Variants in ST3GAL1 observed in about 807,000 individuals in gnomAD.
ST3GAL1 encodes the protein CMP-N-acetylneuraminate-beta-galactosamide-alpha-2,3-sialyltransferase 1.
A neutral mutation model predicts 34.1 loss-of-function variants in ST3GAL1; 16 were observed. That is an observed-to-expected ratio of 0.47 (90% CI 0.32 to 0.71). The LOEUF is 0.71. ST3GAL1 is among the 30% of genes least tolerant of loss of function. ST3GAL1 has a pLI of 0.04. For synonymous variants in ST3GAL1, 191 were observed against 184.7 expected, an observed-to-expected ratio of 1.03 and a Z score of -0.28; for missense variants, 353 against 447.4, an observed-to-expected ratio of 0.79 and a Z score of 1.90.
In ST3GAL1 at chr8:133,464,813, C is replaced by T; in HGVS notation, c.648G>A (p.Trp216Ter). Residue 216 changes from tryptophan (W) to a stop codon, truncating the protein, a stop_gained, in exon 7 of 10, where the codon TGG becomes TGA. Coordinates refer to ENST00000522652, the MANE Select transcript of ST3GAL1 (RefSeq NM_173344.3). LOFTEE classifies it high-confidence loss of function. The stretch of plus-strand genomic sequence containing the variant: ...TGCCCGTGGTGATGGCGCTCACCAC[C>T]CACTCCAAGTCGATGGTCTTGAAGG... The part of the protein sequence containing the change: ...LVPFKTIDLE[W>*]VVSAITTGTI... 6.2e-7 allele frequency: 1 copy of T among 1,613,742 alleles called. No individual in the cohort carries two copies. Among genetic ancestry groups the T allele is most frequent in the Non-Finnish European group, 8.5e-7 (1 of 1,179,784 alleles).
intron 3 of ST3GAL1, among the ~76,000 whole-genome samples, chr8:133,490,450 T>A (rs574471006): frequency 6.6e-6 from 1 of 152,182 alleles, no homozygotes; most frequent in Non-Finnish European, 1.5e-5. Flanking sequence ...CACGCATAAA[T>A]CTGCTCAGGA....
intron 2 of ST3GAL1, among the ~76,000 whole-genome samples, chr8:133,521,869 A>G (rs1232978206): frequency 6.6e-6 from 1 of 152,258 alleles, no homozygotes; most frequent in East Asian, 1.9e-4. Context: ...GAAAGAAAAC[A>G]GTATGAACTA....
intron 2 of ST3GAL1, among the ~76,000 whole-genome samples, chr8:133,543,798 ATC>A (rs1368064099): frequency 6.6e-6 from 1 of 151,894 alleles, no homozygotes; most frequent in Non-Finnish European, 1.5e-5. Flanking sequence ...TGTTAACATC[ATC>A]ATCATCATCA....
intron 2 of ST3GAL1, chr8:133,516,203 C>T (rs555216340): frequency 6.6e-6 from 1 of 152,132 alleles, no homozygotes; most frequent in Non-Finnish European, 1.5e-5. Flanking sequence ...CCCTGCTATG[C>T]CTAGAAGGTA....
chr8:133,535,058 G>A lies in ST3GAL1; in HGVS notation c.-429+10716C>T, dbSNP rs116327779. ...GGGCTGACGAGGGAGAAGCCCTGCA[G>A]CTGAGGATGGAGTGGAAAGCGGGAG... On this transcript the variant is annotated intron_variant, in intron 2 of 9. Transcript: ENST00000522652. 5.9e-3 allele frequency among the ~76,000 whole-genome samples: 896 copies of A among 152,372 alleles called. 16 individuals are homozygous for A. Among genetic ancestry groups the A allele is most frequent in the African/African-American group, 0.02 (837 of 41,590 alleles).
chr8:133,469,774 G>A lies in ST3GAL1; in HGVS notation c.307-3684C>T, dbSNP rs1231965581. Reference sequence around the variant, plus strand: ...AGCCCCAGCACTGCAGAGACAGGTGGGAAGGAGGGACGGCAGAAATGACCT... The same window carrying A: ...AGCCCCAGCACTGCAGAGACAGGTGAGAAGGAGGGACGGCAGAAATGACCT... On this transcript the variant is annotated intron_variant, in intron 5 of 9. Coordinates refer to ENST00000522652, the MANE Select transcript of ST3GAL1 (RefSeq NM_173344.3). This position sits in a 1 kb window ranked among gnomAD's most constrained non-coding sequence, Gnocchi z 4.3. Among the ~76,000 whole-genome samples the A allele has an allele frequency of 6.6e-6, 1 of 152,214 alleles. No homozygotes were observed. The highest frequency in any genetic ancestry group is 2.4e-5 in the African/African-American group (1 of 41,446).
At chr8:133,496,650 T>C (rs900656936) in intron 3 of ST3GAL1, among the ~76,000 whole-genome samples, 3 of 152,164 alleles carry the variant, frequency 2.0e-5, no homozygotes, top group African/African-American at 7.2e-5. Flanking sequence ...CCACAGCACC[T>C]GAGGAGACAC....
intron 1 of ST3GAL1, among the ~76,000 whole-genome samples, chr8:133,565,179 G>GTGTT (rs1554621415): frequency 6.6e-6 from 1 of 151,848 alleles, no homozygotes; most frequent in East Asian, 1.9e-4. Context: ...GTGTGTGTGT[G>GTGTT]TGTGTGTGTG....
intron 3 of ST3GAL1, among the ~76,000 whole-genome samples, chr8:133,494,264 A>G (rs561878581): frequency 1.1e-4 from 17 of 152,250 alleles, no homozygotes; most frequent in South Asian, 6.2e-4. Context: ...CTTCTGATAC[A>G]CTGTGCCCTG....
chr8:133,474,330 T>G (rs924269613), intron 5 of ST3GAL1, among the ~76,000 whole-genome samples: 22 of 152,170 alleles, frequency 1.4e-4, no homozygotes, highest in African/African-American at 4.8e-4. Context: ...CCATCACTCC[T>G]GCAACCCAAG....
In ST3GAL1 at chr8:133,467,662, T is replaced by C. The variant is rs1314314640; in HGVS notation, c.307-1572A>G. On this transcript the variant is annotated intron_variant, in intron 5 of 9. Coordinates refer to ENST00000522652, the MANE Select transcript of ST3GAL1 (RefSeq NM_173344.3). This position sits in a 1 kb window ranked among gnomAD's most constrained non-coding sequence, Gnocchi z 4.2. Reference sequence around the variant, plus strand: ...AAGCTGTGGGGTGATTCCCATCGGCTACTCCGGGCCCCAGGGGCAAGGGGT... The same window carrying C: ...AAGCTGTGGGGTGATTCCCATCGGCCACTCCGGGCCCCAGGGGCAAGGGGT... Among the ~76,000 whole-genome samples the C allele has an allele frequency of 6.6e-6, 1 of 152,188 alleles. No homozygotes were observed. The highest frequency in any genetic ancestry group is 1.5e-5 in the Non-Finnish European group (1 of 68,024).
At chr8:133,543,505 G>A (rs761159526) in intron 2 of ST3GAL1, among the ~76,000 whole-genome samples, 31 of 152,156 alleles carry the variant, frequency 2.0e-4, no homozygotes, top group African/African-American at 4.1e-4. Context: ...AATAAAATGC[G>A]AACATTTGAA....
chr8:133,486,890 A>T (rs947397659), intron 3 of ST3GAL1, among the ~76,000 whole-genome samples: 1 of 152,190 alleles, frequency 6.6e-6, no homozygotes, highest in African/African-American at 2.4e-5. Context: ...CTGCTCACCT[A>T]GACTTGGCTA....
chr8:133,477,483 G>A (rs1394797838), intron 3 of ST3GAL1, among the ~76,000 whole-genome samples: 8 of 151,348 alleles, frequency 5.3e-5, no homozygotes, highest in Non-Finnish European at 1.2e-4. Flanking sequence ...GAAGGAGCAG[G>A]ATCCGAGTCC....
At position 133,466,809 on chromosome 8, in the gene ST3GAL1, C is replaced by T. The variant is rs1815750485; in HGVS notation, c.307-719G>A. On this transcript the variant is annotated intron_variant, in intron 5 of 9. Coordinates refer to ENST00000522652, the MANE Select transcript of ST3GAL1 (RefSeq NM_173344.3). This position sits in a 1 kb window ranked among gnomAD's most constrained non-coding sequence, Gnocchi z 4.4. ...GCAAATTGTTTTCATCTTTTAAGACCTAGCCTGGGCCAGGTGCGGTGGCTC... is the reference window on the plus strand; with the variant it reads ...GCAAATTGTTTTCATCTTTTAAGACTTAGCCTGGGCCAGGTGCGGTGGCTC... Among the ~76,000 whole-genome samples, 1 of 152,184 alleles carries T rather than the reference C, an allele frequency of 6.6e-6. No homozygotes were observed. Among genetic ancestry groups the T allele is most frequent in the Non-Finnish European group, 1.5e-5 (1 of 68,012 alleles).
intron 3 of ST3GAL1, among the ~76,000 whole-genome samples, chr8:133,481,489 T>C (rs1241780346): frequency 6.6e-6 from 1 of 151,114 alleles, no homozygotes; most frequent in Admixed American, 6.6e-5. Flanking sequence ...GTTGTTGTCA[T>C]TGTTGTTGTT....
Position 133,475,722 on chromosome 8 carries a change from C to A in ST3GAL1, c.303G>T (p.Trp101Cys). 1.9e-6 allele frequency: 3 copies of A among 1,589,422 alleles called. No individual in the cohort carries two copies. Among genetic ancestry groups the A allele is most frequent in the South Asian group, 1.1e-5 (1 of 87,518 alleles). The change falls in exon 5 of 10, where the codon TGG (tryptophan) becomes TGT (cysteine). Residue 101 changes from tryptophan to cysteine, a missense_variant. By Grantham distance (215) the Trp-to-Cys change is radical. Coordinates refer to ENST00000522652, the MANE Select transcript of ST3GAL1 (RefSeq NM_173344.3). ...CCGCTCTCAGGCAGCATCTCACCAG[C>A]CACCATCGGTAGGTGTCGTCCTCCA... Reference protein sequence around the residue: ...ALLEDDTYRWWLRLQREKKPN... With the variant: ...ALLEDDTYRWCLRLQREKKPN...
intron 2 of ST3GAL1, among the ~76,000 whole-genome samples, chr8:133,543,741 TGCACCTG>T (rs1818599113): frequency 6.6e-6 from 1 of 152,158 alleles, no homozygotes; most frequent in Non-Finnish European, 1.5e-5. Flanking sequence ...CAGTAGAACA[TGCACCTG>T]GCACATAATA....
chr8:133,492,409 G>A (rs1054614734), intron 3 of ST3GAL1, among the ~76,000 whole-genome samples: 10 of 152,122 alleles, frequency 6.6e-5, no homozygotes, highest in African/African-American at 2.4e-4. Flanking sequence ...ACCAAGGGGT[G>A]GTATGTTCTC....
Sources: gnomAD v4.1 joint callset for allele counts (sites outside exome capture counted in the v4.1 genomes callset) on GRCh38, gnomAD v4.1.1 for gene constraint, Gnocchi (gnomAD v3.1) non-coding constraint, MANE v1.5 for transcripts, NCBI Gene and HGNC (gene_info 2026-07-23, HGNC 2026-07-21) for gene names.